SHROOM4: variants seen among roughly 807,000 people sequenced by gnomAD.
The protein encoded by SHROOM4 is protein Shroom4.
A neutral mutation model predicts 80.3 loss-of-function variants in SHROOM4; 17 were observed. That is an observed-to-expected ratio of 0.21 (90% CI 0.14 to 0.32). SHROOM4 has a LOEUF of 0.32. Among genes scored for constraint, SHROOM4 ranks in the 10% least tolerant of loss-of-function variants. The probability of loss-of-function intolerance (pLI) is 1.00; values close to 1 mark genes in which losing one functional copy is unlikely to be tolerated. For synonymous variants in SHROOM4, 400 were observed against 437.5 expected, an observed-to-expected ratio of 0.91 and a Z score of 1.07; for missense variants, 993 against 1,140.3, an observed-to-expected ratio of 0.87 and a Z score of 1.86.
chrX:50,743,960 G>A (rs1934722883), intron 1 of SHROOM4, among the ~76,000 whole-genome samples: 1 of 111,250 alleles, frequency 9.0e-6, no homozygotes, highest in African/African-American at 3.3e-5. Context: ...TTTTTCTGAT[G>A]AGAAGTCAGC....
At chrX:50,761,022 A>C (rs6614573) in intron 1 of SHROOM4, among the ~76,000 whole-genome samples, 5,862 of 111,544 alleles carry the variant, frequency 0.053, 396 homozygotes, top group African/African-American at 0.18. Flanking sequence ...TTCTTTATTA[A>C]ATTTTAAACC....
At chrX:50,775,839 G>C (rs1483825716) in intron 1 of SHROOM4, among the ~76,000 whole-genome samples, 1 of 112,490 alleles carries the variant, frequency 8.9e-6, no homozygotes, top group Non-Finnish European at 1.9e-5. Flanking sequence ...GGAAGGTGTG[G>C]TATGGCAAAA....
chrX:50,607,835 G>A lies in SHROOM4; in HGVS notation c.3307C>T (p.Arg1103Cys). The A allele has an allele frequency of 8.3e-6, 10 of 1,209,683 alleles. No individual in the cohort carries two copies. The highest frequency in any genetic ancestry group is 1.1e-5 in the Non-Finnish European group (10 of 894,337). Reference sequence around the variant, plus strand: ...TTCTCCCAGTTGGGAGGAGGAGGGCGAGGAGGAGGAAAGGCCTTCTTCCTG... The same window carrying A: ...TTCTCCCAGTTGGGAGGAGGAGGGCAAGGAGGAGGAAAGGCCTTCTTCCTG... ...GARKKAFPPP[R>C]PPPPNWEKYR... Residue 1103 changes from arginine to cysteine, a missense_variant, in exon 6 of 9, where the codon CGC becomes TGC. By Grantham distance (180) the Arg-to-Cys change is radical. Coordinates refer to ENST00000376020, the MANE Select transcript of SHROOM4 (RefSeq NM_020717.5).
At chrX:50,766,022 C>A (rs782436914) in intron 1 of SHROOM4, among the ~76,000 whole-genome samples, 43 of 111,656 alleles carry the variant, frequency 3.9e-4, no homozygotes, top group Non-Finnish European at 4.3e-4. Flanking sequence ...AGTTCCTTAA[C>A]GGAAGGGATT....
intron 1 of SHROOM4, among the ~76,000 whole-genome samples, chrX:50,696,508 G>C (rs1557263075): frequency 8.9e-6 from 1 of 112,054 alleles, no homozygotes; most frequent in African/African-American, 3.3e-5. Context: ...GTATATATCT[G>C]AGAACAGTAA....
Position 50,657,953 on chromosome X carries a change from C to T in SHROOM4, c.270-19645G>A, listed in dbSNP as rs868982618. ...AGGGGATTAGGCATTGAGGGCTCTGCCCTCAGGGATGGTATTAGTGCCCTT... is the reference window on the plus strand; with the variant it reads ...AGGGGATTAGGCATTGAGGGCTCTGTCCTCAGGGATGGTATTAGTGCCCTT... On this transcript the variant is annotated intron_variant, in intron 2 of 8. Coordinates refer to ENST00000376020, the MANE Select transcript of SHROOM4 (RefSeq NM_020717.5). Among the ~76,000 whole-genome samples, 5 of 112,071 alleles carry T rather than the reference C, an allele frequency of 4.5e-5. No individual in the cohort carries two copies. The Middle Eastern group carries it at 0.014, about 310-fold the overall frequency.
At chrX:50,701,809 G>A (rs1557263550) in intron 1 of SHROOM4, among the ~76,000 whole-genome samples, 1 of 111,230 alleles carries the variant, frequency 9.0e-6, no homozygotes, top group Admixed American at 9.5e-5. Flanking sequence ...GAAAAACATG[G>A]AGCATATCTT....
chrX:50,758,208 CTT>C (rs1207650804), intron 1 of SHROOM4, among the ~76,000 whole-genome samples: 1 of 111,409 alleles, frequency 9.0e-6, no homozygotes, highest in Non-Finnish European at 1.9e-5. Context: ...GACAAATTAG[CTT>C]TTTTTGTCTA....
intron 2 of SHROOM4, among the ~76,000 whole-genome samples, chrX:50,681,922 C>T (rs112670553): frequency 0.078 from 8,672 of 111,406 alleles, 847 homozygotes; most frequent in African/African-American, 0.27. Context: ...TCTTTTCCTC[C>T]CTACATTACT....
chrX:50,800,031 C>T (rs1311950388), intron 1 of SHROOM4, among the ~76,000 whole-genome samples: 1 of 112,150 alleles, frequency 8.9e-6, no homozygotes, highest in African/African-American at 3.2e-5. Context: ...TCCTCTACTG[C>T]TCCTTCTCAT....
At chrX:50,790,145 T>C (rs1935825853) in intron 1 of SHROOM4, among the ~76,000 whole-genome samples, 1 of 111,826 alleles carries the variant, frequency 8.9e-6, no homozygotes, top group Non-Finnish European at 1.9e-5. Context: ...CTGTCATTGA[T>C]TGAAACATCA....
At chrX:50,642,079 G>T in intron 2 of SHROOM4, among the ~76,000 whole-genome samples, 1 of 112,148 alleles carries the variant, frequency 8.9e-6, no homozygotes, top group Non-Finnish European at 1.9e-5. Context: ...CCCTAGTTTG[G>T]GACAGGAGAA....
At chrX:50,583,261 G>A (rs193284548), downstream of SHROOM4, among the ~76,000 whole-genome samples, 9 of 109,923 alleles carry the variant, frequency 8.2e-5, no homozygotes, top group East Asian at 5.7e-4. Context: ...TATTCATTTC[G>A]TCCCCACCCT....
At chrX:50,684,049 A>C (rs1933000577) in intron 2 of SHROOM4, among the ~76,000 whole-genome samples, 1 of 112,148 alleles carries the variant, frequency 8.9e-6, no homozygotes, top group Non-Finnish European at 1.9e-5. Flanking sequence ...AATGTTCAAC[A>C]ATGTTAAGTG....
At chrX:50,656,605 A>T (rs1201801793) in intron 2 of SHROOM4, among the ~76,000 whole-genome samples, 6 of 110,986 alleles carry the variant, frequency 5.4e-5, no homozygotes, top group African/African-American at 2.0e-4. Flanking sequence ...GTTCCATTGA[A>T]TGGTATTTCC....
At chrX:50,713,311 A>G (rs782325254) in intron 1 of SHROOM4, among the ~76,000 whole-genome samples, 7 of 111,316 alleles carry the variant, frequency 6.3e-5, no homozygotes, top group Middle Eastern at 4.7e-3. Context: ...TCAAGCAATT[A>G]TTTGTCACTG....
Position 50,634,657 on chromosome X carries a change from G to T in SHROOM4, c.1416C>A (p.Ser472Arg), listed in dbSNP as rs782285806. 9.1e-6 allele frequency: 11 copies of T among 1,209,889 alleles called. No homozygotes were observed. In the East Asian group the frequency reaches 3.3e-4, roughly 36 times the overall value. Residue 472 changes from serine to arginine, a missense_variant, in exon 4 of 9, where the codon AGC (serine) becomes AGA (arginine). Coordinates refer to ENST00000376020, the MANE Select transcript of SHROOM4 (RefSeq NM_020717.5). The part of the protein sequence containing the change: ...PPTGGTHDQS[S>R]KERKTRQVDD... ...CCACTTGTCTGGTCTTTCTTTCTTT[G>T]CTGGACTGGTCATGGGTTCCTCCTG...
intron 2 of SHROOM4, among the ~76,000 whole-genome samples, chrX:50,667,768 G>A (rs1283734168): frequency 6.3e-5 from 7 of 111,121 alleles, no homozygotes; most frequent in African/African-American, 2.3e-4. Context: ...GAGTTCCAAG[G>A]AATGACACAG....
At chrX:50,810,335 C>T (rs1208279229) in intron 1 of SHROOM4, among the ~76,000 whole-genome samples, 1 of 110,951 alleles carries the variant, frequency 9.0e-6, no homozygotes, top group African/African-American at 3.3e-5. Context: ...TAGACTTTCA[C>T]ACTGCATACC....
Sources: gnomAD v4.1 joint callset for allele counts (sites outside exome capture counted in the v4.1 genomes callset) on GRCh38, gnomAD v4.1.1 for gene constraint, MANE v1.5 for transcripts, NCBI Gene and HGNC (gene_info 2026-07-23, HGNC 2026-07-21) for gene names.